KIF16B: variants seen among roughly 807,000 people sequenced by gnomAD.
KIF16B encodes kinesin-like protein KIF16B.
In KIF16B, 98 loss-of-function variants were observed where a neutral mutation model predicts 156.3. That is an observed-to-expected ratio of 0.63 (90% CI 0.53 to 0.74). The LOEUF (loss-of-function observed/expected upper bound fraction) is 0.74, where lower values mean the gene tolerates loss of function less well. KIF16B is among the 30% of genes least tolerant of loss of function. The probability of loss-of-function intolerance (pLI) is 0.00; values close to 1 mark genes in which losing one functional copy is unlikely to be tolerated. For missense variants in KIF16B, 1,421 were observed against 1,606.5 expected (o/e 0.88, Z 1.97); for synonymous variants, 564 against 583.7 (o/e 0.97, Z 0.49).
intron 1 of KIF16B, among the ~76,000 whole-genome samples, chr20:16,567,907 G>A (rs893545044): frequency 1.3e-4 from 20 of 152,144 alleles, no homozygotes; most frequent in Non-Finnish European, 2.6e-4. Flanking sequence ...AACCGAGATC[G>A]CGCCACTGCA....
At chr20:16,385,833 T>C (rs150846059) in intron 17 of KIF16B, among the ~76,000 whole-genome samples, 1 of 152,146 alleles carries the variant, frequency 6.6e-6, no homozygotes, top group South Asian at 2.1e-4. Flanking sequence ...GTACTGTGAA[T>C]TTAATTCTCA....
At chr20:16,471,737 G>A (rs1199959607) in intron 12 of KIF16B, among the ~76,000 whole-genome samples, 5 of 152,114 alleles carry the variant, frequency 3.3e-5, no homozygotes, top group South Asian at 2.1e-4. Context: ...ACACACTGAG[G>A]CCAAACTACC....
At chr20:16,314,828 G>A (rs907324770) in intron 24 of KIF16B, among the ~76,000 whole-genome samples, 7 of 152,012 alleles carry the variant, frequency 4.6e-5, no homozygotes, top group African/African-American at 1.5e-4. Flanking sequence ...AGGGTTTTCC[G>A]GAACCTGGAC....
intron 1 of KIF16B, among the ~76,000 whole-genome samples, chr20:16,528,989 T>C (rs996534752): frequency 6.6e-6 from 1 of 152,146 alleles, no homozygotes; most frequent in Admixed American, 6.5e-5. Flanking sequence ...TGACCATACA[T>C]TTACCCAATG....
intron 1 of KIF16B, among the ~76,000 whole-genome samples, chr20:16,543,015 G>T (rs1379632333): frequency 1.3e-5 from 2 of 152,146 alleles, no homozygotes; most frequent in African/African-American, 2.4e-5. Flanking sequence ...GGATCAGAAA[G>T]TTCCCCAGGC....
chr20:16,302,202 A>G (rs982264376), intron 25 of KIF16B, among the ~76,000 whole-genome samples: 3 of 152,144 alleles, frequency 2.0e-5, no homozygotes, highest in Non-Finnish European at 1.5e-5. Context: ...TTCCACATCC[A>G]AAGTCATCTA....
chr20:16,345,158 C>T (rs1441512592), intron 23 of KIF16B, among the ~76,000 whole-genome samples: 2 of 152,188 alleles, frequency 1.3e-5, no homozygotes, highest in Admixed American at 6.5e-5. Context: ...TGACGTCCTC[C>T]GATTATGCCT....
chr20:16,523,418 T>C (rs746015269), intron 3 of KIF16B, among the ~76,000 whole-genome samples: 1 of 152,132 alleles, frequency 6.6e-6, no homozygotes, highest in Non-Finnish European at 1.5e-5. Context: ...AAATCATGAG[T>C]GAACTCCCAT....
chr20:16,319,369 T>G (rs908722909), intron 24 of KIF16B, among the ~76,000 whole-genome samples: 3 of 152,176 alleles, frequency 2.0e-5, no homozygotes, highest in Non-Finnish European at 2.9e-5. Context: ...TTTCTATTAA[T>G]CTAAAAGTAT....
intron 25 of KIF16B, among the ~76,000 whole-genome samples, chr20:16,281,077 C>A (rs1004204885): frequency 6.6e-6 from 1 of 152,186 alleles, no homozygotes; most frequent in Non-Finnish European, 1.5e-5. Context: ...ATCACCTCAT[C>A]CATATCATTC....
intron 24 of KIF16B, among the ~76,000 whole-genome samples, chr20:16,324,216 A>AG (rs1193603703): frequency 6.6e-6 from 1 of 151,936 alleles, no homozygotes; most frequent in East Asian, 1.9e-4. Context: ...TATGTAACAG[A>AG]TTTTTACAGG....
chr20:16,534,044 G>A (rs1000223277), intron 1 of KIF16B, among the ~76,000 whole-genome samples: 2 of 152,112 alleles, frequency 1.3e-5, no homozygotes, highest in Admixed American at 6.5e-5. Flanking sequence ...GTGGATCACA[G>A]GTCAGGAGTT....
intron 25 of KIF16B, among the ~76,000 whole-genome samples, chr20:16,286,861 T>A (rs1057099858): frequency 6.6e-6 from 1 of 152,152 alleles, no homozygotes; most frequent in African/African-American, 2.4e-5. Context: ...TAAACCTAGG[T>A]GGGGTTTGTG....
chr20:16,572,775 C>T (rs1470708456), intron 1 of KIF16B, among the ~76,000 whole-genome samples: 3 of 152,196 alleles, frequency 2.0e-5, no homozygotes, highest in African/African-American at 7.2e-5. Context: ...ATCGATTAGA[C>T]ATTCAGGGAA....
chr20:16,292,660 T>C (rs2063330150), intron 25 of KIF16B, among the ~76,000 whole-genome samples: 1 of 152,180 alleles, frequency 6.6e-6, no homozygotes, highest in Non-Finnish European at 1.5e-5. Flanking sequence ...TGAATGTTGA[T>C]ACAAACAATG....
At chr20:16,407,398 T>C (rs759701476) in intron 15 of KIF16B, among the ~76,000 whole-genome samples, 7 of 152,160 alleles carry the variant, frequency 4.6e-5, no homozygotes, top group Non-Finnish European at 8.8e-5. Flanking sequence ...ATAAGACACA[T>C]GCACTGACAG....
chr20:16,509,000 T>C (rs1024616562), intron 6 of KIF16B, among the ~76,000 whole-genome samples: 8 of 152,184 alleles, frequency 5.3e-5, no homozygotes, highest in Non-Finnish European at 8.8e-5. Flanking sequence ...GGGAACCAAA[T>C]GTTACATACC....
chr20:16,505,695 C>T lies in KIF16B; in HGVS notation c.1000+27G>A, dbSNP rs763997917. The T allele has an allele frequency of 1.9e-6, 3 of 1,600,416 alleles. No individual in the cohort carries two copies. In the South Asian group the frequency reaches 3.3e-5, roughly 18 times the overall value. ...GTTAATTCACAGAAAATATTGTATGCTCAGAAAAGTAACTTAAAACTCTTA... is the reference window on the plus strand; with the variant it reads ...GTTAATTCACAGAAAATATTGTATGTTCAGAAAAGTAACTTAAAACTCTTA... On this transcript the variant is annotated intron_variant, in intron 9 of 25. Transcript: ENST00000354981.
At chr20:16,391,905 G>A (rs1019587332) in intron 17 of KIF16B, among the ~76,000 whole-genome samples, 3 of 152,178 alleles carry the variant, frequency 2.0e-5, no homozygotes, top group East Asian at 1.9e-4. Flanking sequence ...GGTTTCAACC[G>A]GTGATTTCTA....
Sources: gnomAD v4.1 joint callset for allele counts (sites outside exome capture counted in the v4.1 genomes callset) on GRCh38, gnomAD v4.1.1 for gene constraint, MANE v1.5 for transcripts, NCBI Gene and HGNC (gene_info 2026-07-23, HGNC 2026-07-21) for gene names.